The following LIMD1 variants were observed in gnomAD, a reference collection of about 807,000 sequenced individuals.
LIMD1 encodes the protein LIM domain-containing protein 1.
Under a neutral mutation model 58.4 loss-of-function variants are expected in LIMD1, and 23 were observed. That is an observed-to-expected ratio of 0.39 (90% confidence interval 0.28 to 0.56). LIMD1 has a LOEUF of 0.56. LIMD1 is among the 20% of genes least tolerant of loss of function. The probability of loss-of-function intolerance (pLI) is 0.57; values close to 1 mark genes in which losing one functional copy is unlikely to be tolerated. For missense variants in LIMD1, 838 were observed against 855.5 expected (o/e 0.98, Z 0.25); for synonymous variants, 334 against 345.5 (o/e 0.97, Z 0.37).
intron 1 of LIMD1, among the ~76,000 whole-genome samples, chr3:45,601,943 CTTT>C (rs534236802): frequency 7.1e-6 from 1 of 141,582 alleles, no homozygotes; most frequent in Non-Finnish European, 1.5e-5. Context: ...AGGCTGTGGA[CTTT>C]TTTTTTTTTT....
rs1426127365 is a variant in LIMD1, at chr3:45,678,085, T to G, written c.*1026T>G. ...GGAGGGAGCGCCTCAGGATAAGTTA[T>G]TATATTCATTTCGTTGGTTTCTCTC... On this transcript the variant is annotated 3_prime_UTR_variant, in exon 8 of 8. Coordinates refer to ENST00000273317, the MANE Select transcript of LIMD1 (RefSeq NM_014240.3). 2 of 152,618 alleles carry G rather than the reference T, an allele frequency of 1.3e-5. No homozygotes were observed. 9.5% of individuals were successfully genotyped at this position (152,618 alleles called of 1,614,324 possible). A position where few individuals can be genotyped will look rare whatever the true frequency, so the allele number is the denominator to read the frequency against.
chr3:45,633,134 C>T (rs1437570929), intron 1 of LIMD1, among the ~76,000 whole-genome samples: 1 of 152,174 alleles, frequency 6.6e-6, no homozygotes, highest in African/African-American at 2.4e-5. Context: ...GGTGGGGGCT[C>T]CCTGTTGACT....
At position 45,677,152 on chromosome 3, in the gene LIMD1, G is replaced by T; in HGVS notation, c.*93G>T. 1 of 1,434,466 alleles carries T rather than the reference G, an allele frequency of 7.0e-7. No homozygotes were observed. The highest frequency in any genetic ancestry group is 1.8e-5 in the Admixed American group (1 of 56,672). The allele number at this position is 1,434,466 out of a possible 1,614,324, so 88.9% of individuals were successfully genotyped here. ...CCCCTGGGGTGGAAGTGGGGTAGGG[G>T]AAGAGGAGGGGCAGGAGGGAGAGTT... On this transcript the variant is annotated 3_prime_UTR_variant, in exon 8 of 8. Coordinates refer to ENST00000273317, the MANE Select transcript of LIMD1 (RefSeq NM_014240.3).
intron 2 of LIMD1, among the ~76,000 whole-genome samples, chr3:45,654,477 C>T (rs894551004): frequency 6.6e-5 from 10 of 152,040 alleles, no homozygotes; most frequent in African/African-American, 2.4e-4. Context: ...TAAACTACAC[C>T]GGCTTTATCA....
intron 6 of LIMD1, chr3:45,673,834 G>A (rs1244494482): frequency 3.0e-6 from 1 of 336,838 alleles, no homozygotes; most frequent in African/African-American, 2.1e-5. Flanking sequence ...AGGCTGCAGC[G>A]AGCTATGATG....
chr3:45,658,535 C>CTTTTTTTTTTT lies in LIMD1; in HGVS notation c.1511-7093_1511-7083dup, dbSNP rs10572210. 9.8e-4 allele frequency among the ~76,000 whole-genome samples: 44 copies of CTTTTTTTTTTT among 44,758 alleles called. 4 individuals carry two copies. Among genetic ancestry groups the CTTTTTTTTTTT allele is most frequent in the Non-Finnish European group, 1.4e-3 (31 of 22,168 alleles). The allele number at this position is 44,758 out of a possible 152,430, so 29.4% of individuals were successfully genotyped here. ...AACCATCCCCTCCACCATGCAGATT[C>CTTTTTTTTTTT]TTTTTTTTTTTTTTTTTTTTTTTTT... On this transcript the variant is annotated intron_variant, in intron 2 of 7. Transcript: ENST00000273317.
intron 2 of LIMD1, among the ~76,000 whole-genome samples, chr3:45,662,690 G>A (rs565701808): frequency 6.6e-6 from 1 of 152,150 alleles, no homozygotes; most frequent in East Asian, 1.9e-4. Flanking sequence ...AAAACATACA[G>A]TACTAGTTTA....
chr3:45,661,013 C>T (rs955125604), intron 2 of LIMD1, among the ~76,000 whole-genome samples: 3 of 151,994 alleles, frequency 2.0e-5, no homozygotes, highest in Non-Finnish European at 2.9e-5. Context: ...GAAAATACTG[C>T]GAACGTTCAA....
At chr3:45,612,903 T>G (rs1701539348) in intron 1 of LIMD1, 1 of 152,188 alleles carries the variant, frequency 6.6e-6, no homozygotes, top group South Asian at 2.1e-4. Flanking sequence ...TATAACAGAG[T>G]GCTGAAAAGT....
intron 4 of LIMD1, among the ~76,000 whole-genome samples, chr3:45,671,208 T>C (rs962407425): frequency 6.6e-6 from 1 of 152,226 alleles, no homozygotes; most frequent in Non-Finnish European, 1.5e-5. Context: ...ATGAGGAAGC[T>C]TGAAAGCTGA....
In LIMD1 at chr3:45,679,340, G is replaced by A. The variant is rs995048447; in HGVS notation, c.*2281G>A. On this transcript the variant is annotated 3_prime_UTR_variant, in exon 8 of 8. Transcript: ENST00000273317. ...TCTGGTTGTCAGTTTCCCTGGAGAA[G>A]GCGCCAGATAGGAATCTCCAATCAG... 2 of 152,198 alleles carry A rather than the reference G, an allele frequency of 1.3e-5. No homozygotes were observed. Among genetic ancestry groups the A allele is most frequent in the African/African-American group, 4.8e-5 (2 of 41,438 alleles). 9.4% of individuals were successfully genotyped at this position (152,198 alleles called of 1,614,324 possible).
intron 3 of LIMD1, 53 bp from the exon 4 acceptor site, chr3:45,668,241 G>C (rs991676862): frequency 5.7e-6 from 8 of 1,401,108 alleles, no homozygotes; most frequent in Admixed American, 1.8e-5. Flanking sequence ...TGGGGAAGTG[G>C]CTGATTCATC....
chr3:45,620,052 G>A (rs1701615843), intron 1 of LIMD1, among the ~76,000 whole-genome samples: 1 of 152,072 alleles, frequency 6.6e-6, no homozygotes, highest in South Asian at 2.1e-4. Context: ...CTGAACTGAT[G>A]TCAAGAGTGG....
In LIMD1 at chr3:45,595,122, G is replaced by A. The variant is rs368914923; in HGVS notation, c.243G>A (p.Gly81=). The A allele has an allele frequency of 1.9e-6, 3 of 1,607,540 alleles. No individual in the cohort carries two copies. Among genetic ancestry groups the A allele is most frequent in the African/African-American group, 1.3e-5 (1 of 74,752 alleles). The change falls in exon 1 of 8, where the codon GGG becomes GGA. Residue 81 remains glycine (G), a synonymous_variant. Coordinates refer to ENST00000273317, the MANE Select transcript of LIMD1 (RefSeq NM_014240.3). ...GGAGTAGAGGCCCTGTCAATGGAGGGGGCCGCCTGGGCCCACAGGCCCGTT... is the reference window on the plus strand; with the variant it reads ...GGAGTAGAGGCCCTGTCAATGGAGGAGGCCGCCTGGGCCCACAGGCCCGTT... ...PRGSRGPVNG[G]GRLGPQARWE...
chr3:45,643,291 C>T (rs2125660777), intron 2 of LIMD1, among the ~76,000 whole-genome samples: 1 of 152,062 alleles, frequency 6.6e-6, no homozygotes, highest in East Asian at 1.9e-4. Context: ...TTGAGACCAG[C>T]CTGGGCAATG....
intron 2 of LIMD1, among the ~76,000 whole-genome samples, chr3:45,645,912 T>A (rs555301182): frequency 8.2e-4 from 124 of 151,188 alleles, no homozygotes; most frequent in African/African-American, 2.9e-3. Context: ...AGTGGATCCA[T>A]GCCTGTAAGC....
chr3:45,625,631 G>A (rs939803116), intron 1 of LIMD1, among the ~76,000 whole-genome samples: 4 of 152,068 alleles, frequency 2.6e-5, no homozygotes, highest in Non-Finnish European at 4.4e-5. Flanking sequence ...AGGTGATTAG[G>A]TCATGAAGAC....
At chr3:45,626,651 T>C (rs1575350473) in intron 1 of LIMD1, among the ~76,000 whole-genome samples, 1 of 152,106 alleles carries the variant, frequency 6.6e-6, no homozygotes, top group East Asian at 1.9e-4. Flanking sequence ...GCTACTGTAA[T>C]AGTAGATACA....
intron 2 of LIMD1, among the ~76,000 whole-genome samples, chr3:45,640,858 A>G (rs1250388765): frequency 6.6e-6 from 1 of 152,214 alleles, no homozygotes; most frequent in African/African-American, 2.4e-5. Flanking sequence ...GTGCAGGGGC[A>G]TTGCTGTTTG....
Sources: gnomAD v4.1 joint callset for allele counts (sites outside exome capture counted in the v4.1 genomes callset) on GRCh38, gnomAD v4.1.1 for gene constraint, MANE v1.5 for transcripts, NCBI Gene and HGNC (gene_info 2026-07-23, HGNC 2026-07-21) for gene names.